The following ELL2 variants were observed in gnomAD, a reference collection of about 807,000 sequenced individuals.
ELL2 encodes RNA polymerase II elongation factor ELL2.
ELL2 carries 21 observed loss-of-function variants against 72.8 expected under a neutral mutation model. The ratio of observed to expected loss-of-function variants is 0.29; its 90% CI spans 0.20 to 0.42. ELL2 has a LOEUF of 0.42. ELL2 is among the 10% of genes least tolerant of loss of function. ELL2 has a pLI of 1.00. For synonymous variants in ELL2, 266 were observed against 283.2 expected, an observed-to-expected ratio of 0.94 and a Z score of 0.61; for missense variants, 568 against 772.8, an observed-to-expected ratio of 0.73 and a Z score of 3.14.
intron 1 of ELL2, among the ~76,000 whole-genome samples, chr5:95,953,551 C>A (rs1170960145): frequency 6.6e-6 from 1 of 152,142 alleles, no homozygotes. Flanking sequence ...CTGGCTACAC[C>A]CTTGAATAAG....
At chr5:95,893,911 CA>C (rs1748763646) in intron 9 of ELL2, among the ~76,000 whole-genome samples, 1 of 152,012 alleles carries the variant, frequency 6.6e-6, no homozygotes, top group African/African-American at 2.4e-5. Flanking sequence ...AGAAATGCAC[CA>C]AGGCAGATCC....
intron 2 of ELL2, among the ~76,000 whole-genome samples, chr5:95,930,754 C>CA (rs1750567578): frequency 6.6e-6 from 1 of 152,142 alleles, no homozygotes; most frequent in Non-Finnish European, 1.5e-5. Flanking sequence ...TCCCTGGGGA[C>CA]CAAAGGCACA....
chr5:95,897,546 T>G (rs1748919739), intron 8 of ELL2, among the ~76,000 whole-genome samples: 1 of 152,228 alleles, frequency 6.6e-6, no homozygotes, highest in African/African-American at 2.4e-5. Context: ...TTTAAGTTTC[T>G]TTGGATCTCT....
At chr5:95,928,508 A>G (rs980650209) in intron 2 of ELL2, among the ~76,000 whole-genome samples, 4 of 152,208 alleles carry the variant, frequency 2.6e-5, no homozygotes, top group Admixed American at 6.5e-5. Context: ...ATAAGCCATC[A>G]TTCATTTAGT....
Position 95,891,088 on chromosome 5 carries a change from T to A in ELL2, c.1761+15A>T, listed in dbSNP as rs1748643483. The A allele has an allele frequency of 1.9e-6, 3 of 1,614,084 alleles. No homozygotes were observed. The East Asian group carries it at 6.7e-5, about 36-fold the overall frequency. On this transcript the variant is annotated intron_variant, in intron 10 of 11. Transcript: ENST00000237853. Reference sequence around the variant, plus strand: ...AAATATGAAAGTCAGCCCATCTAGTTACAAATCCATTTACCTGATACTCTT... The same window carrying A: ...AAATATGAAAGTCAGCCCATCTAGTAACAAATCCATTTACCTGATACTCTT...
At chr5:95,901,394 C>G (rs1185120952) in intron 5 of ELL2, among the ~76,000 whole-genome samples, 2 of 152,098 alleles carry the variant, frequency 1.3e-5, no homozygotes, top group African/African-American at 4.8e-5. Context: ...TCAAAGGAAT[C>G]CAAAACAGTT....
At chr5:95,921,960 G>A (rs1222188064) in intron 2 of ELL2, among the ~76,000 whole-genome samples, 1 of 152,130 alleles carries the variant, frequency 6.6e-6, no homozygotes, top group Admixed American at 6.5e-5. Context: ...CTCCAGCTTC[G>A]GTTTAGATCT....
intron 3 of ELL2, among the ~76,000 whole-genome samples, chr5:95,917,313 G>C (rs1749851999): frequency 6.6e-6 from 1 of 152,172 alleles, no homozygotes; most frequent in Admixed American, 6.5e-5. Context: ...AAGAAGACTA[G>C]TTAATTTGTA....
chr5:95,898,900 C>T (rs146969335), intron 7 of ELL2, 90 bp from the exon 8 acceptor site: 10 of 922,852 alleles, frequency 1.1e-5, no homozygotes, highest in Non-Finnish European at 6.2e-6. Context: ...AACTAAGTAA[C>T]CTTACTTACT....
At chr5:95,943,072 C>T in intron 1 of ELL2, 23 bp from the exon 2 acceptor site, 1 of 1,589,862 alleles carries the variant, frequency 6.3e-7, no homozygotes, top group Non-Finnish European at 8.6e-7. Flanking sequence ...ACAAAAGAAA[C>T]AAACAGGTAA....
rs1748536205 is a variant in ELL2 at position 95,888,434 on chromosome 5, A to T, written c.*437T>A. On this transcript the variant is annotated 3_prime_UTR_variant, in exon 12 of 12. Transcript: ENST00000237853. ...TTTAAGGCAAAGAGTTTGCATTAAG[A>T]AACGTCAGAAAATAGGCTTACGTTT... 1.3e-5 allele frequency: 2 copies of T among 152,696 alleles called. No homozygotes were observed. The highest frequency in any genetic ancestry group is 2.9e-5 in the Non-Finnish European group (2 of 68,422). The allele number at this position is 152,696 out of a possible 1,614,324, so 9.5% of individuals were successfully genotyped here.
intron 2 of ELL2, among the ~76,000 whole-genome samples, chr5:95,926,358 T>C (rs1420509923): frequency 6.6e-6 from 1 of 152,134 alleles, no homozygotes; most frequent in Non-Finnish European, 1.5e-5. Flanking sequence ...CCAACACATA[T>C]TAGAGCCGTC....
chr5:95,918,205 G>A (rs1386628486), intron 3 of ELL2, among the ~76,000 whole-genome samples: 1 of 152,226 alleles, frequency 6.6e-6, no homozygotes. Context: ...TACTATGATA[G>A]TAACAGGTAG....
At chr5:95,914,071 G>A (rs1390843188) in intron 3 of ELL2, 137 bp from the exon 4 acceptor site, 2 of 688,126 alleles carry the variant, frequency 2.9e-6, no homozygotes, top group Admixed American at 7.9e-5. Context: ...ATTTTTAAAT[G>A]TAAATGCTAT....
At chr5:95,916,111 T>G (rs536990615) in intron 3 of ELL2, among the ~76,000 whole-genome samples, 19 of 151,708 alleles carry the variant, frequency 1.3e-4, no homozygotes, top group Admixed American at 5.3e-4. Flanking sequence ...GAGTGTAGAA[T>G]AGTACACAGC....
chr5:95,921,306 A>G (rs1750073907), intron 2 of ELL2, among the ~76,000 whole-genome samples: 1 of 152,232 alleles, frequency 6.6e-6, no homozygotes, highest in African/African-American at 2.4e-5. Flanking sequence ...AAATTTCACC[A>G]AAGATACTAT....
intron 10 of ELL2, among the ~76,000 whole-genome samples, chr5:95,890,360 C>T (rs531656685): frequency 6.6e-6 from 1 of 152,308 alleles, no homozygotes; most frequent in South Asian, 2.1e-4. Flanking sequence ...ACGTAGGCTC[C>T]AGCCTGAACA....
chr5:95,907,751 C>A (rs966605547), intron 4 of ELL2, among the ~76,000 whole-genome samples: 1 of 152,138 alleles, frequency 6.6e-6, no homozygotes, highest in Non-Finnish European at 1.5e-5. Context: ...CAATTCTATG[C>A]CCTCTGGTTA....
chr5:95,896,238 T>C (rs1748871542), intron 8 of ELL2, among the ~76,000 whole-genome samples: 1 of 152,120 alleles, frequency 6.6e-6, no homozygotes, highest in African/African-American at 2.4e-5. Flanking sequence ...TGAATGTCGA[T>C]TTATATTCCT....
Sources: allele counts gnomAD v4.1 joint callset (sites outside exome capture counted in the v4.1 genomes callset), GRCh38; gene constraint gnomAD v4.1.1; transcripts MANE v1.5; gene names NCBI Gene and HGNC (gene_info 2026-07-23, HGNC 2026-07-21).